Variants in MRPL52 observed in about 807,000 individuals in gnomAD.
MRPL52 encodes the protein large ribosomal subunit protein mL52.
A neutral mutation model predicts 22.1 loss-of-function variants in MRPL52; 19 were observed. That is an observed-to-expected ratio of 0.86 (90% CI 0.60 to 1.26). The LOEUF (loss-of-function observed/expected upper bound fraction) is 1.26. Among genes scored for constraint, MRPL52 ranks in the 50% most tolerant of loss-of-function variants. The pLI is 0.00. For missense variants in MRPL52, 152 were observed against 148.1 expected (o/e 1.03, Z -0.14); for synonymous variants, 50 against 57.5 (o/e 0.87, Z 0.59).
chr14:22,832,471 G>A (rs1330127355), intron 3 of MRPL52, among the ~76,000 whole-genome samples: 2 of 151,912 alleles, frequency 1.3e-5, no homozygotes, highest in Non-Finnish European at 2.9e-5. Context: ...CTCCCTAGTA[G>A]TTGAGACTAC....
At chr14:22,830,933 G>T in intron 3 of MRPL52, 1 of 1,437,806 alleles carries the variant, frequency 7.0e-7, no homozygotes, top group South Asian at 1.2e-5. Flanking sequence ...ACAGAGATCT[G>T]AATATTTAAT....
At position 22,829,929 on chromosome 14, in the gene MRPL52, C is replaced by G; in HGVS notation, c.17C>G (p.Thr6Ser). The change falls in exon 1 of 5, where the codon ACT becomes AGT. Residue 6 changes from threonine (T) to serine (S), a missense_variant. By Grantham distance (58) the Thr-to-Ser change is moderately conservative. Transcript: ENST00000397496. ...CTGCTCAGCATGGCTGCTTTAGGGA[C>G]TGTTCTCTTCAGTGAGTGGGTATAG... MAALG[T>S]VLFSVRRLHC... The G allele has an allele frequency of 6.4e-7, 1 of 1,571,202 alleles. No homozygotes were observed. The highest frequency in any genetic ancestry group is 1.1e-5 in the South Asian group (1 of 89,564).
rs559528948 is a variant in MRPL52, at chr14:22,833,302, A to G, written c.155-116A>G. The G allele has an allele frequency of 7.8e-5, 55 of 707,500 alleles. 1 individual carries two copies. The South Asian group carries it at 8.4e-4, about 11-fold the overall frequency. The allele number at this position is 707,500 out of a possible 1,614,324, so 43.8% of individuals were successfully genotyped here. A position where few individuals can be genotyped will look rare whatever the true frequency, so the allele number is the denominator to read the frequency against. ...TTAGGATAATTAAGCTACAATGTAT[A>G]TGAAATGGAAGAGAGGAGCTAGAGA... is the stretch of plus-strand genomic sequence containing the variant. On this transcript the variant is annotated intron_variant, in intron 3 of 4. Coordinates refer to ENST00000397496, the MANE Select transcript of MRPL52 (RefSeq NM_180982.3).
chr14:22,830,580 T>C (rs2039585031), intron 3 of MRPL52: 7 of 429,116 alleles, frequency 1.6e-5, no homozygotes, highest in Non-Finnish European at 2.9e-5. Context: ...CACTTTTCTC[T>C]GTGGTTAGTG....
At chr14:22,833,071 G>C (rs543439299) in intron 3 of MRPL52, among the ~76,000 whole-genome samples, 1 of 152,006 alleles carries the variant, frequency 6.6e-6, no homozygotes, top group Non-Finnish European at 1.5e-5. Context: ...CCAGCTACTC[G>C]GGAGTCTGAG....
intron 3 of MRPL52, 121 bp from the exon 4 acceptor site, chr14:22,833,297 T>C: frequency 1.4e-6 from 1 of 690,266 alleles, no homozygotes; most frequent in Non-Finnish European, 2.6e-6. Flanking sequence ...TAAGCTACAA[T>C]GTATATGAAA....
At chr14:22,831,006 A>G in intron 3 of MRPL52, 1 of 1,480,816 alleles carries the variant, frequency 6.8e-7, no homozygotes, top group Non-Finnish European at 9.0e-7. Flanking sequence ...ACTGAGGAAG[A>G]TGGTGAAGAT....
rs1029477837 is a variant in MRPL52, at chr14:22,834,418, A to G, written c.*97A>G. The G allele has an allele frequency of 3.6e-6, 5 of 1,380,712 alleles. No individual in the cohort carries two copies. The African/African-American group carries it at 5.9e-5, about 16-fold the overall frequency. The allele number at this position is 1,380,712 out of a possible 1,614,324, so 85.5% of individuals were successfully genotyped here. Reference sequence around the variant, plus strand: ...CCAGAAGATAGCCTTCACGTTCCCCATCTGTCTTCAGAGAAAAAGAGCTGG... The same window carrying G: ...CCAGAAGATAGCCTTCACGTTCCCCGTCTGTCTTCAGAGAAAAAGAGCTGG... On this transcript the variant is annotated 3_prime_UTR_variant, in exon 5 of 5. Transcript: ENST00000397496.
rs2039667309 is a variant in MRPL52, at chr14:22,833,432, C to T, written c.169C>T (p.Pro57Ser). Residue 57 changes from proline to serine, a missense_variant, in exon 4 of 5, where the codon CCC (proline) becomes TCC (serine). Pro to Ser is a moderately conservative substitution (Grantham distance 74). Coordinates refer to ENST00000397496, the MANE Select transcript of MRPL52 (RefSeq NM_180982.3). The part of the protein sequence containing the change: ...DWSYADGRPA[P>S]PMKGQLRRKA... Reference sequence around the variant, plus strand: ...TCTACTTGTAGATGGCCGCCCTGCTCCCCCAATGAAAGGCCAGCTTCGAAG... The same window carrying T: ...TCTACTTGTAGATGGCCGCCCTGCTTCCCCAATGAAAGGCCAGCTTCGAAG... 1.2e-6 allele frequency: 2 copies of T among 1,613,242 alleles called. No individual in the cohort carries two copies. Among genetic ancestry groups the T allele is most frequent in the Non-Finnish European group, 1.7e-6 (2 of 1,179,248 alleles).
In MRPL52 at chr14:22,830,058, C is replaced by G; in HGVS notation, c.34C>G (p.Arg12Gly). 1 of 1,614,058 alleles carries G rather than the reference C, an allele frequency of 6.2e-7. No homozygotes were observed. Among genetic ancestry groups the G allele is most frequent in the Non-Finnish European group, 8.5e-7 (1 of 1,179,960 alleles). Residue 12 changes from arginine (R) to glycine (G), a missense_variant, in exon 2 of 5, where the codon CGG becomes GGG. By Grantham distance (125) the Arg-to-Gly change is moderately radical. Transcript: ENST00000397496. ...CTGCTCTGTTCTCCCAGCAGGTGTC[C>G]GGAGGCTGCACTGCAGCGTAGCCGC... The part of the protein sequence containing the change: ...AALGTVLFSV[R>G]RLHCSVAAWA...
intron 3 of MRPL52, chr14:22,830,707 C>A (rs993616660): frequency 2.4e-6 from 1 of 417,968 alleles, no homozygotes; most frequent in Non-Finnish European, 4.2e-6. Context: ...TCAGAAAATT[C>A]TTTTACCTTT....
At chr14:22,831,340 A>G (rs982592715) in intron 3 of MRPL52, 1 of 261,018 alleles carries the variant, frequency 3.8e-6, no homozygotes, top group African/African-American at 2.3e-5. Flanking sequence ...CTGGTCTTGT[A>G]CTCCTTAGCT....
intron 3 of MRPL52, 55 bp from the exon 4 acceptor site, chr14:22,833,363 C>A: frequency 1.8e-6 from 2 of 1,122,182 alleles, no homozygotes; most frequent in Non-Finnish European, 2.7e-6. Flanking sequence ...AGTATTTGCA[C>A]AAGGTGATGC....
Position 22,834,215 on chromosome 14 carries a change from A to G in MRPL52, c.263A>G (p.Gln88Arg). The G allele has an allele frequency of 6.2e-7, 1 of 1,614,234 alleles. No homozygotes were observed. The highest frequency in any genetic ancestry group is 8.5e-7 in the Non-Finnish European group (1 of 1,180,038). The change falls in exon 5 of 5, where the codon CAA becomes CGA. Residue 88 changes from glutamine (Q) to arginine (R), a missense_variant. Physicochemically the swap from Gln to Arg is conservative, Grantham distance 43. Coordinates refer to ENST00000397496, the MANE Select transcript of MRPL52 (RefSeq NM_180982.3). ...LLSQEMDAGLQAWQLRQQKLQ... is the reference protein window; with the variant it reads ...LLSQEMDAGLRAWQLRQQKLQ... ...TCACAGGAAATGGACGCTGGATTAC[A>G]AGCATGGCAGCTCAGGCAGCAGAAG...
intron 3 of MRPL52, chr14:22,831,585 A>G (rs372825502): frequency 2.6e-5 from 4 of 152,362 alleles, no homozygotes; most frequent in East Asian, 3.8e-4. Flanking sequence ...GGCATACACA[A>G]TATTGGTTCC....
chr14:22,834,530 T>G lies in MRPL52; in HGVS notation c.*209T>G. 1.7e-6 allele frequency: 1 copy of G among 579,990 alleles called. No homozygotes were observed. Among genetic ancestry groups the G allele is most frequent in the Non-Finnish European group, 2.9e-6 (1 of 345,816 alleles). 35.9% of individuals were successfully genotyped at this position (579,990 alleles called of 1,614,324 possible). A position where few individuals can be genotyped will look rare whatever the true frequency, so the allele number is the denominator to read the frequency against. On this transcript the variant is annotated 3_prime_UTR_variant, in exon 5 of 5. Coordinates refer to ENST00000397496, the MANE Select transcript of MRPL52 (RefSeq NM_180982.3). ...GGTTCCATTCCAGTTCAGCTAAGTC[T>G]TGCTTTAAAATTTTTACCTCCTAGC...
rs370351677 is a variant in MRPL52 at position 22,833,453 on chromosome 14, C to T, written c.190C>T (p.Arg64Ter). The T allele has an allele frequency of 7.2e-5, 117 of 1,613,800 alleles. No individual in the cohort carries two copies. The highest frequency in any genetic ancestry group is 9.3e-5 in the Non-Finnish European group (110 of 1,179,758). ...TGCTCCCCCAATGAAAGGCCAGCTT[C>T]GAAGAAAAGCTGAAAGGGAGACGTT... ...RPAPPMKGQL[R>*]RKAERETFAR... The change falls in exon 4 of 5, where the codon CGA (arginine) becomes TGA (stop). Residue 64 changes from arginine to a stop codon, truncating the protein, a stop_gained. Transcript: ENST00000397496. LOFTEE classifies it high-confidence loss of function.
Position 22,829,923 on chromosome 14 carries a change from T to C in MRPL52, c.11T>C (p.Leu4Ser). 6.2e-7 allele frequency: 1 copy of C among 1,602,598 alleles called. No homozygotes were observed. Among genetic ancestry groups the C allele is most frequent in the Non-Finnish European group, 8.5e-7 (1 of 1,174,272 alleles). The stretch of plus-strand genomic sequence containing the variant: ...CTACTCCTGCTCAGCATGGCTGCTT[T>C]AGGGACTGTTCTCTTCAGTGAGTGG... MAA[L>S]GTVLFSVRRL... The change falls in exon 1 of 5, where the codon TTA becomes TCA. Residue 4 changes from leucine (L) to serine (S), a missense_variant. Leu to Ser is a moderately radical substitution (Grantham distance 145, BLOSUM62 -2). Coordinates refer to ENST00000397496, the MANE Select transcript of MRPL52 (RefSeq NM_180982.3).
In MRPL52 at chr14:22,829,895, C is replaced by T. The variant is rs749141617; in HGVS notation, c.-18C>T. The T allele has an allele frequency of 1.3e-6, 2 of 1,569,192 alleles. No individual in the cohort carries two copies. The highest frequency in any genetic ancestry group is 1.2e-5 in the South Asian group (1 of 85,896). On this transcript the variant is annotated 5_prime_UTR_variant, in exon 1 of 5. Coordinates refer to ENST00000397496, the MANE Select transcript of MRPL52 (RefSeq NM_180982.3). The stretch of plus-strand genomic sequence containing the variant: ...AGGCCACGCCTACTTCCGGCTACCC[C>T]GGCTACTCCTGCTCAGCATGGCTGC...
Sources: allele counts gnomAD v4.1 joint callset (sites outside exome capture counted in the v4.1 genomes callset), GRCh38; gene constraint gnomAD v4.1.1; transcripts MANE v1.5; gene names NCBI Gene and HGNC (gene_info 2026-07-23, HGNC 2026-07-21).